Variants in TMCO4 observed in about 807,000 individuals in gnomAD.
TMCO4 encodes transmembrane and coiled-coil domains 4.
In TMCO4, 58 loss-of-function variants were observed where a neutral mutation model predicts 64.7. The ratio of observed to expected loss-of-function variants is 0.90; its 90% confidence interval spans 0.73 to 1.12. The LOEUF is 1.12. TMCO4 is among the 50% of genes most tolerant of loss of function. The pLI, the probability that TMCO4 is intolerant of heterozygous loss-of-function variation, is 0.00. For synonymous variants in TMCO4, 325 were observed against 346.1 expected (o/e 0.94, Z 0.68); for missense variants, 780 against 825.9 (o/e 0.94, Z 0.68).
At chr1:19,685,713 T>TTTTTTC (rs1196608348) in intron 15 of TMCO4, among the ~76,000 whole-genome samples, 14 of 82,170 alleles carry the variant, frequency 1.7e-4, no homozygotes, top group Non-Finnish European at 2.2e-4. Flanking sequence ...CCTGTTTCTT[T>TTTTTTC]TTTTTTTTTT....
intron 15 of TMCO4, among the ~76,000 whole-genome samples, chr1:19,692,363 AGCGGTG>A (rs1322936997): frequency 6.6e-6 from 1 of 152,070 alleles, no homozygotes; most frequent in Non-Finnish European, 1.5e-5. Flanking sequence ...GCCATGTTTC[AGCGGTG>A]TGACCCTGGA....
At chr1:19,764,591 G>A (rs2042646638) in intron 6 of TMCO4, among the ~76,000 whole-genome samples, 2 of 152,176 alleles carry the variant, frequency 1.3e-5, no homozygotes, top group Admixed American at 1.3e-4. Context: ...TGGGCGTGGT[G>A]GTGGCTCACG....
In TMCO4 at chr1:19,683,167, C is replaced by T. The variant is rs1485676588; in HGVS notation, c.1778G>A (p.Gly593Glu). ...QVPVGLDQSE[G>E]ASLPAAASPE... ...GCTGGCAGCAGCAGGAAGGGAGGCC[C>T]CTTCAGACTGGTCCAGCCCTACTGG... The change falls in exon 16 of 16, where the codon GGG becomes GAG. Residue 593 changes from glycine to glutamate, a missense_variant. By Grantham distance (98) the Gly-to-Glu change is moderately conservative. Coordinates refer to ENST00000294543, the MANE Select transcript of TMCO4 (RefSeq NM_181719.7). The T allele has an allele frequency of 1.2e-6, 2 of 1,614,212 alleles. No individual in the cohort carries two copies. The highest frequency in any genetic ancestry group is 3.3e-5 in the Admixed American group (2 of 60,030).
chr1:19,724,326 G>C (rs1215748806), intron 13 of TMCO4, among the ~76,000 whole-genome samples: 1 of 152,156 alleles, frequency 6.6e-6, no homozygotes, highest in Admixed American at 6.5e-5. Flanking sequence ...ATATAAAAAG[G>C]CCAGCTTTGT....
intron 4 of TMCO4, among the ~76,000 whole-genome samples, chr1:19,779,736 T>G (rs553219843): frequency 6.6e-6 from 1 of 152,346 alleles, no homozygotes; most frequent in South Asian, 2.1e-4. Context: ...CAGGGCCATG[T>G]GCTACACCCA....
At position 19,694,496 on chromosome 1, in the gene TMCO4, C is replaced by T. The variant is rs771756912; in HGVS notation, c.1438G>A (p.Ala480Thr). Residue 480 changes from alanine to threonine, a missense_variant, in exon 15 of 16, where the codon GCC becomes ACC. Transcript: ENST00000294543. ...TGCAGCAGCACGGGCTGTAGGCCGG[C>T]GACACGGAGCTGCACCGAGGATGTG... ...YRTSSVQLRV[A>T]GLQPVLLQDR... The T allele has an allele frequency of 4.3e-6, 7 of 1,613,966 alleles. No homozygotes were observed. The highest frequency in any genetic ancestry group is 1.6e-4 in the Middle Eastern group (1 of 6,084).
intron 15 of TMCO4, among the ~76,000 whole-genome samples, chr1:19,686,812 C>T (rs1557444881): frequency 6.6e-6 from 1 of 152,206 alleles, no homozygotes; most frequent in East Asian, 1.9e-4. Flanking sequence ...TGAACCACAG[C>T]TTCCCCATCT....
intron 6 of TMCO4, among the ~76,000 whole-genome samples, chr1:19,770,198 CAGGA>C (rs1207120189): frequency 6.6e-6 from 1 of 152,162 alleles, no homozygotes; most frequent in Non-Finnish European, 1.5e-5. Flanking sequence ...AGAGTGGTGG[CAGGA>C]AGGCCAGTGA....
intron 13 of TMCO4, among the ~76,000 whole-genome samples, chr1:19,717,276 C>T (rs1262642055): frequency 2.6e-5 from 4 of 152,194 alleles, no homozygotes; most frequent in Non-Finnish European, 1.5e-5. Context: ...GCAGGGAGGA[C>T]TGGCTGAAGG....
intron 15 of TMCO4, among the ~76,000 whole-genome samples, chr1:19,692,126 A>G (rs1557454594): frequency 2.0e-5 from 3 of 152,236 alleles, no homozygotes; most frequent in African/African-American, 7.2e-5. Flanking sequence ...TGTGGGAAGC[A>G]CTTGGCACTT....
At chr1:19,753,291 G>A (rs1012006825) in intron 7 of TMCO4, among the ~76,000 whole-genome samples, 4 of 152,172 alleles carry the variant, frequency 2.6e-5, no homozygotes, top group African/African-American at 4.8e-5. Flanking sequence ...AGCAGCTCAT[G>A]AGCTCACATC....
chr1:19,685,273 C>T (rs949017750), intron 15 of TMCO4, among the ~76,000 whole-genome samples: 4 of 152,296 alleles, frequency 2.6e-5, no homozygotes, highest in African/African-American at 7.2e-5. Flanking sequence ...CTGCAGTGAG[C>T]CCTGATTGTG....
chr1:19,690,749 C>T (rs986335704), intron 15 of TMCO4, among the ~76,000 whole-genome samples: 3 of 152,176 alleles, frequency 2.0e-5, no homozygotes, highest in Non-Finnish European at 4.4e-5. Context: ...ACAACTCTGG[C>T]TATGACTCCA....
intron 4 of TMCO4, among the ~76,000 whole-genome samples, chr1:19,778,244 A>ATT (rs2043300274): frequency 2.7e-5 from 4 of 146,286 alleles, no homozygotes; most frequent in African/African-American, 5.1e-5. Context: ...CTCATTATTT[A>ATT]TATTTATTTA....
chr1:19,771,277 C>T, intron 5 of TMCO4, 31 bp downstream of exon 5: 1 of 1,604,860 alleles, frequency 6.2e-7, no homozygotes. Context: ...TTCTACTGTC[C>T]CCAGCAGCCA....
In TMCO4 at chr1:19,732,075, T is replaced by A. The variant is rs150536490; in HGVS notation, c.1264+5297A>T. 1.1e-3 allele frequency among the ~76,000 whole-genome samples: 161 copies of A among 152,318 alleles called. 1 individual carries two copies. Among genetic ancestry groups the A allele is most frequent in the African/African-American group, 3.5e-3 (147 of 41,570 alleles). ...AGCGGGGCCTGTGCACCCAGCTGCA[T>A]GGGAGGAGCTGCCTTCTGTCCCACA... On this transcript the variant is annotated intron_variant, in intron 13 of 15. Transcript: ENST00000294543. This position sits in a 1 kb window ranked among gnomAD's most constrained non-coding sequence, Gnocchi z 4.8.
intron 6 of TMCO4, among the ~76,000 whole-genome samples, chr1:19,761,086 G>A (rs1055809312): frequency 5.3e-5 from 8 of 152,302 alleles, no homozygotes; most frequent in South Asian, 4.1e-4. Flanking sequence ...CTGAAGTGGC[G>A]GGTACTATAG....
intron 4 of TMCO4, among the ~76,000 whole-genome samples, chr1:19,775,613 C>T (rs369413466): frequency 3.9e-5 from 6 of 152,186 alleles, no homozygotes; most frequent in Non-Finnish European, 5.9e-5. Context: ...TGTGCTATCA[C>T]GGGAAAGGTA....
intron 15 of TMCO4, among the ~76,000 whole-genome samples, chr1:19,685,723 T>C (rs1044026704): frequency 4.2e-5 from 6 of 141,988 alleles, no homozygotes; most frequent in African/African-American, 1.5e-4. Flanking sequence ...TTTTTTTTTT[T>C]TTTTTTTTGA....
Sources: allele counts gnomAD v4.1 joint callset (sites outside exome capture counted in the v4.1 genomes callset), GRCh38; gene constraint gnomAD v4.1.1; non-coding constraint Gnocchi (gnomAD v3.1); transcripts MANE v1.5; gene names NCBI Gene and HGNC (gene_info 2026-07-23, HGNC 2026-07-21).